The following FRMPD4 variants were observed in gnomAD, a reference collection of about 807,000 sequenced individuals.
FRMPD4 encodes the protein FERM and PDZ domain containing 4.
In FRMPD4, 22 loss-of-function variants were observed where a neutral mutation model predicts 94.1. The observed-to-expected ratio is 0.23, with a 90% confidence interval of 0.17 to 0.33. FRMPD4 has a LOEUF of 0.33. FRMPD4 is among the 10% of genes least tolerant of loss of function. FRMPD4 has a pLI of 1.00. For missense variants in FRMPD4, 1,111 were observed against 1,339.9 expected, an observed-to-expected ratio of 0.83 and a Z score of 2.67; for synonymous variants, 631 against 548.6, an observed-to-expected ratio of 1.15 and a Z score of -2.10.
rs1230986643 is a variant in FRMPD4 at position 12,147,970 on chromosome X, T to G, written c.41+8958T>G. ...ACTTAATTGATAAATGTTGTGTGTGTTCTGACTGCTGTACCAACTAGCCAT... is the reference window on the plus strand; with the variant it reads ...ACTTAATTGATAAATGTTGTGTGTGGTCTGACTGCTGTACCAACTAGCCAT... On this transcript the variant is annotated intron_variant, in intron 1 of 16. Coordinates refer to ENST00000675598, the MANE Select transcript of FRMPD4 (RefSeq NM_001368397.1). Among the ~76,000 whole-genome samples the G allele has an allele frequency of 8.9e-5, 10 of 111,971 alleles. No individual in the cohort carries two copies. The Admixed American group carries it at 9.5e-4, about 11-fold the overall frequency.
At chrX:12,274,761 G>T (rs1032239758) in intron 1 of FRMPD4, among the ~76,000 whole-genome samples, 2 of 112,733 alleles carry the variant, frequency 1.8e-5, no homozygotes, top group African/African-American at 6.4e-5. Flanking sequence ...TGTAATCCCA[G>T]CACTTTGGGA....
At chrX:12,179,702 G>C (rs930062588) in intron 1 of FRMPD4, among the ~76,000 whole-genome samples, 19 of 111,562 alleles carry the variant, frequency 1.7e-4, no homozygotes, top group African/African-American at 5.8e-4. Flanking sequence ...TGAAGTCAAA[G>C]AAACTAGGTT....
intron 3 of FRMPD4, among the ~76,000 whole-genome samples, chrX:12,091,948 T>C (rs1601931898): frequency 8.9e-6 from 1 of 111,760 alleles, no homozygotes; most frequent in Non-Finnish European, 1.9e-5. Flanking sequence ...CACTTCCAAA[T>C]AACAACAACG....
chrX:12,357,035 G>A (rs2147984863), intron 1 of FRMPD4, among the ~76,000 whole-genome samples: 1 of 112,146 alleles, frequency 8.9e-6, no homozygotes, highest in East Asian at 2.8e-4. Context: ...AGCTCTAGGG[G>A]AAAGATATTT....
intron 3 of FRMPD4, among the ~76,000 whole-genome samples, chrX:12,043,652 G>A (rs2054769867): frequency 1.8e-5 from 2 of 111,658 alleles, no homozygotes; most frequent in Non-Finnish European, 3.8e-5. Flanking sequence ...TTAAAAAAAA[G>A]TAACAATTTA....
At chrX:12,339,858 G>A (rs967915856) in intron 1 of FRMPD4, among the ~76,000 whole-genome samples, 4 of 111,629 alleles carry the variant, frequency 3.6e-5, no homozygotes, top group African/African-American at 9.8e-5. Context: ...CTCATGATCC[G>A]CCCACCTCGG....
intron 4 of FRMPD4, among the ~76,000 whole-genome samples, chrX:12,632,538 G>A (rs932821103): frequency 1.8e-5 from 2 of 112,102 alleles, no homozygotes; most frequent in African/African-American, 6.5e-5. Flanking sequence ...TTCTCAAGAG[G>A]ATACAATTTT....
intron 1 of FRMPD4, among the ~76,000 whole-genome samples, chrX:12,336,675 C>T (rs1268918343): frequency 9.0e-6 from 1 of 111,159 alleles, no homozygotes; most frequent in Non-Finnish European, 1.9e-5. Context: ...GACCTTTCTC[C>T]ATAACATCTA....
At chrX:11,888,312 C>T (rs2053856880) in intron 3 of FRMPD4, among the ~76,000 whole-genome samples, 1 of 111,911 alleles carries the variant, frequency 8.9e-6, no homozygotes, top group South Asian at 3.7e-4. Context: ...GGTTTTAACA[C>T]TACACCTTCA....
intron 1 of FRMPD4, among the ~76,000 whole-genome samples, chrX:12,393,726 CA>C (rs1442601895): frequency 8.9e-6 from 1 of 111,845 alleles, no homozygotes; most frequent in Admixed American, 9.5e-5. Flanking sequence ...TGTCTGTCTC[CA>C]AAAAAATTGG....
At chrX:12,555,858 T>C (rs2058590026) in intron 2 of FRMPD4, among the ~76,000 whole-genome samples, 2 of 112,419 alleles carry the variant, frequency 1.8e-5, no homozygotes, top group Admixed American at 1.9e-4. Flanking sequence ...AAATATGCCA[T>C]GCAAAGGTTT....
At chrX:12,127,604 C>T (rs148752689) in intron 3 of FRMPD4, among the ~76,000 whole-genome samples, 1,300 of 111,351 alleles carry the variant, frequency 0.012, 18 homozygotes, top group African/African-American at 0.036. Flanking sequence ...CCCCTGGCCC[C>T]TCCCAAATCT....
intron 1 of FRMPD4, among the ~76,000 whole-genome samples, chrX:12,301,156 A>G (rs2054854197): frequency 1.2e-5 from 1 of 86,393 alleles, no homozygotes; most frequent in African/African-American, 4.7e-5. Context: ...TCACTTCTCC[A>G]CATACCAAGG....
chrX:12,168,584 C>A (rs1275251981), intron 1 of FRMPD4, among the ~76,000 whole-genome samples: 1 of 107,088 alleles, frequency 9.3e-6, no homozygotes, highest in East Asian at 2.9e-4. Context: ...ATTTTTGTAC[C>A]CTTTTGAGAT....
In FRMPD4 at chrX:12,297,809, C is replaced by T. The variant is rs766120491; in HGVS notation, c.41+158797C>T. Among the ~76,000 whole-genome samples the T allele has an allele frequency of 1.8e-4, 20 of 111,252 alleles. No homozygotes were observed. The East Asian group carries it at 5.7e-3, about 32-fold the overall frequency. On this transcript the variant is annotated intron_variant, in intron 1 of 16. Coordinates refer to ENST00000675598, the MANE Select transcript of FRMPD4 (RefSeq NM_001368397.1). ...TGTTGGGAAGAAAAAGAATTAGCCC[C>T]CCCTGGAGTCTATTTCTTGGCAGGG...
chrX:12,139,139 G>C, intron 1 of FRMPD4, 127 bp downstream of exon 1: 2 of 488,219 alleles, frequency 4.1e-6, no homozygotes, highest in Non-Finnish European at 6.3e-6. Flanking sequence ...CAAACGAAGT[G>C]GCCGGGGGCT....
At chrX:12,407,185 A>T (rs965429282) in intron 1 of FRMPD4, among the ~76,000 whole-genome samples, 1 of 111,843 alleles carries the variant, frequency 8.9e-6, no homozygotes, top group African/African-American at 3.3e-5. Flanking sequence ...TTACATATGC[A>T]AAGTCCCTTT....
At chrX:12,645,707 C>T (rs1262947929) in intron 4 of FRMPD4, among the ~76,000 whole-genome samples, 2 of 111,316 alleles carry the variant, frequency 1.8e-5, no homozygotes, top group African/African-American at 6.5e-5. Context: ...ATCCCCTTAC[C>T]TCCCTATAGG....
chrX:12,244,096 TTTTTGTTTTGTTTTGTTTTG>T (rs373723984), intron 1 of FRMPD4, among the ~76,000 whole-genome samples: 1 of 109,975 alleles, frequency 9.1e-6, no homozygotes, highest in Non-Finnish European at 1.9e-5. Context: ...GCACCTGGCG[TTTTTGTTTTGTTTTGTTTTG>T]TTTTGTTTTG....
Sources: gnomAD v4.1 joint callset for allele counts (sites outside exome capture counted in the v4.1 genomes callset) on GRCh38, gnomAD v4.1.1 for gene constraint, MANE v1.5 for transcripts, NCBI Gene and HGNC (gene_info 2026-07-23, HGNC 2026-07-21) for gene names.